SPATA6L: variants seen among roughly 807,000 people sequenced by gnomAD.
The protein encoded by SPATA6L is spermatogenesis associated 6-like protein.
In SPATA6L, 68 loss-of-function variants were observed where a neutral mutation model predicts 49.2. The observed-to-expected ratio is 1.38, with a 90% CI of 1.14 to 1.69. The LOEUF (loss-of-function observed/expected upper bound fraction) is 1.69, where lower values mean the gene tolerates loss of function less well. Ranked by LOEUF, SPATA6L falls within the 40% of genes most tolerant of loss-of-function variation. The pLI is 0.00. For missense variants in SPATA6L, 668 were observed against 464.3 expected, an observed-to-expected ratio of 1.44 and a Z score of -4.03; for synonymous variants, 198 against 165.7, an observed-to-expected ratio of 1.19 and a Z score of -1.50.
chr9:4,612,140 C>A (rs572871940), intron 9 of SPATA6L, among the ~76,000 whole-genome samples: 143 of 152,126 alleles, frequency 9.4e-4, no homozygotes, highest in Non-Finnish European at 4.4e-4. Flanking sequence ...ATGCAGAGCT[C>A]ACTTTCAAAT....
At chr9:4,605,957 C>A (rs569317671) in intron 9 of SPATA6L, among the ~76,000 whole-genome samples, 7 of 152,140 alleles carry the variant, frequency 4.6e-5, no homozygotes, top group African/African-American at 1.2e-4. Flanking sequence ...TGTGCGCGCA[C>A]CGTGCGCGAG....
At chr9:4,601,828 G>T (rs1823376098) in intron 11 of SPATA6L, among the ~76,000 whole-genome samples, 1 of 152,176 alleles carries the variant, frequency 6.6e-6, no homozygotes, top group Non-Finnish European at 1.5e-5. Context: ...GGCTCTGGCT[G>T]TCCTGTTCTA....
At chr9:4,590,340 G>C (rs915120660) in intron 13 of SPATA6L, among the ~76,000 whole-genome samples, 9 of 152,320 alleles carry the variant, frequency 5.9e-5, no homozygotes, top group African/African-American at 1.7e-4. Flanking sequence ...TGCATGCACA[G>C]TGCCACAAAA....
intron 3 of SPATA6L, among the ~76,000 whole-genome samples, chr9:4,650,170 T>G (rs940123540): frequency 6.6e-6 from 1 of 152,198 alleles, no homozygotes; most frequent in East Asian, 1.9e-4. Flanking sequence ...AATGTCAAAC[T>G]CTTCAATCTA....
intron 3 of SPATA6L, among the ~76,000 whole-genome samples, chr9:4,640,144 G>C (rs1422472279): frequency 1.3e-5 from 2 of 152,196 alleles, no homozygotes; most frequent in Non-Finnish European, 2.9e-5. Context: ...GAATATACCT[G>C]ACTTACCCAA....
rs1826281751 is a variant in SPATA6L at position 4,610,013 on chromosome 9, G to C, written c.996-4573C>G. 4.0e-5 allele frequency among the ~76,000 whole-genome samples: 6 copies of C among 151,800 alleles called. No individual in the cohort carries two copies. In the South Asian group the frequency reaches 1.2e-3, roughly 32 times the overall value. ...CTTATACACCAACAACAGACAAACA[G>C]AGAGCCAAATCATGAGTGAACTCCC... On this transcript the variant is annotated intron_variant, in intron 9 of 11. Transcript: ENST00000682582.
intron 6 of SPATA6L, among the ~76,000 whole-genome samples, chr9:4,624,787 C>A (rs1308647514): frequency 1.3e-5 from 2 of 151,756 alleles, no homozygotes; most frequent in Non-Finnish European, 2.9e-5. Context: ...CTAAATTTGC[C>A]TACCACTACC....
chr9:4,654,770 A>T (rs915619661), intron 3 of SPATA6L, among the ~76,000 whole-genome samples: 1 of 152,148 alleles, frequency 6.6e-6, no homozygotes, highest in African/African-American at 2.4e-5. Flanking sequence ...CTCGATGTCC[A>T]GCCGCTTCTG....
At chr9:4,629,270 G>T (rs757105687) in intron 4 of SPATA6L, 102 bp from the exon 5 acceptor site, 461 of 715,642 alleles carry the variant, frequency 6.4e-4, no homozygotes, top group Non-Finnish European at 9.9e-4. Flanking sequence ...GCTCTTCTGT[G>T]TGGCATAATC....
rs1333691067 is a variant in SPATA6L at position 4,606,555 on chromosome 9, C to T, written c.996-1115G>A. On this transcript the variant is annotated intron_variant, in intron 9 of 11. Coordinates refer to ENST00000682582, the MANE Select transcript of SPATA6L (RefSeq NM_001353486.2). ...AGGGGCACACTGACACCTCACACGG[C>T]CGGGTACTCCAACAGACCTGCAGCT... 2.2e-4 allele frequency among the ~76,000 whole-genome samples: 8 copies of T among 36,992 alleles called. 4 individuals are homozygous for T. The highest frequency in any genetic ancestry group is 7.2e-4 in the African/African-American group (8 of 11,108). 24.3% of individuals were successfully genotyped at this position (36,992 alleles called of 152,430 possible).
chr9:4,663,656 T>C (rs1840388536), intron 1 of SPATA6L: 1 of 201,686 alleles, frequency 5.0e-6, no homozygotes, highest in African/African-American at 2.3e-5. Context: ...AGAAACATGA[T>C]GTTCATTCTG....
At chr9:4,657,212 AC>A (rs79510936) in intron 2 of SPATA6L, among the ~76,000 whole-genome samples, 81,575 of 151,914 alleles carry the variant, frequency 0.54, 22,179 homozygotes, top group East Asian at 0.7. Flanking sequence ...TCAAACTTAA[AC>A]AAAAATGAAA....
rs576608130 is a variant in SPATA6L at position 4,610,728 on chromosome 9, T to C, written c.996-5288A>G. ...AACCTAGGCAATACCATTCAGGACA[T>C]AGGCATGGGCAAGGACTTCATGTCT... On this transcript the variant is annotated intron_variant, in intron 9 of 11. Transcript: ENST00000682582. Among the ~76,000 whole-genome samples, 287 of 151,698 alleles carry C rather than the reference T, an allele frequency of 1.9e-3. 2 individuals carry two copies. The highest frequency in any genetic ancestry group is 6.6e-3 in the African/African-American group (275 of 41,514).
chr9:4,648,560 C>T (rs909063762), intron 3 of SPATA6L, among the ~76,000 whole-genome samples: 29 of 151,542 alleles, frequency 1.9e-4, no homozygotes, highest in Admixed American at 8.5e-4. Flanking sequence ...ATTAGCCGGG[C>T]GTGGTGGCGG....
chr9:4,635,302 C>T lies in SPATA6L; in HGVS notation c.324G>A (p.Val108=). ...TPSHPRRCRE[V]LMKTALGFPG... is the part of the protein sequence containing the mutation. Reference sequence around the variant, plus strand: ...GAAAACCCAGAGCCGTCTTCATGAGCACCTCCCTACACCTCCTAGGGTGCG... The same window carrying T: ...GAAAACCCAGAGCCGTCTTCATGAGTACCTCCCTACACCTCCTAGGGTGCG... The change falls in exon 4 of 12, where the codon GTG becomes GTA. Residue 108 remains valine, a synonymous_variant. Transcript: ENST00000682582. The T allele has an allele frequency of 6.5e-7, 1 of 1,548,224 alleles. No homozygotes were observed. Among genetic ancestry groups the T allele is most frequent in the Non-Finnish European group, 8.6e-7 (1 of 1,158,138 alleles).
At chr9:4,635,568 T>C (rs951779927) in intron 3 of SPATA6L, among the ~76,000 whole-genome samples, 169 bp from the exon 4 acceptor site, 1 of 152,130 alleles carries the variant, frequency 6.6e-6, no homozygotes, top group African/African-American at 2.4e-5. Flanking sequence ...TTTTATCTCG[T>C]GGATAATTTT....
chr9:4,639,586 G>A (rs1403040100), intron 3 of SPATA6L, among the ~76,000 whole-genome samples: 1 of 152,172 alleles, frequency 6.6e-6, no homozygotes, highest in Non-Finnish European at 1.5e-5. Flanking sequence ...TAAGAGGATG[G>A]TACAGCAAGA....
chr9:4,643,963 C>T (rs1834648482), intron 3 of SPATA6L, among the ~76,000 whole-genome samples: 1 of 151,470 alleles, frequency 6.6e-6, no homozygotes, highest in Non-Finnish European at 1.5e-5. Flanking sequence ...GCTGAGCTTG[C>T]ATCACTGCAC....
At chr9:4,658,828 C>T (rs1317639624) in intron 2 of SPATA6L, among the ~76,000 whole-genome samples, 2 of 151,692 alleles carry the variant, frequency 1.3e-5, no homozygotes, top group Non-Finnish European at 2.9e-5. Flanking sequence ...CCTGTCTCTA[C>T]TAAAACTACA....
Sources: allele counts gnomAD v4.1 joint callset (sites outside exome capture counted in the v4.1 genomes callset), GRCh38; gene constraint gnomAD v4.1.1; transcripts MANE v1.5; gene names NCBI Gene and HGNC (gene_info 2026-07-23, HGNC 2026-07-21).